PPIL6: variants seen among roughly 807,000 people sequenced by gnomAD.
The protein encoded by PPIL6 is peptidylprolyl isomerase like 6.
A neutral mutation model predicts 36.8 loss-of-function variants in PPIL6; 39 were observed. That is an observed-to-expected ratio of 1.06 (90% CI 0.82 to 1.38). The LOEUF (loss-of-function observed/expected upper bound fraction) is 1.38. Ranked by LOEUF, PPIL6 falls within the 40% of genes most tolerant of loss-of-function variation. PPIL6 has a pLI of 0.00. For missense variants in PPIL6, 368 were observed against 379.1 expected, an observed-to-expected ratio of 0.97 and a Z score of 0.24; for synonymous variants, 123 against 134.1, an observed-to-expected ratio of 0.92 and a Z score of 0.57.
chr6:109,429,499 C>G (rs1774007900), intron 3 of PPIL6, among the ~76,000 whole-genome samples: 1 of 152,084 alleles, frequency 6.6e-6, no homozygotes, highest in South Asian at 2.1e-4. Flanking sequence ...GAACTCCTCA[C>G]AGGGTCCCAC....
rs371905579 is a variant in PPIL6, at chr6:109,403,148, A to T, written c.689-2978T>A. 37 of 1,394,172 alleles carry T rather than the reference A, an allele frequency of 2.7e-5. No homozygotes were observed. In the African/African-American group the frequency reaches 5.2e-4, roughly 20 times the overall value. 86.4% of individuals were successfully genotyped at this position (1,394,172 alleles called of 1,614,324 possible). On this transcript the variant is annotated intron_variant, in intron 6 of 7. Transcript: ENST00000521072. The stretch of plus-strand genomic sequence containing the variant: ...CTATAATTTAAATTTAAATTAAATT[A>T]AATTTTTTTAGAGAAGGCATCTTGC...
intron 5 of PPIL6, among the ~76,000 whole-genome samples, chr6:109,422,832 G>C (rs1773618430): frequency 6.6e-6 from 1 of 152,170 alleles, no homozygotes; most frequent in Non-Finnish European, 1.5e-5. Context: ...TAATTATTTG[G>C]TATGCTCGAG....
In PPIL6 at chr6:109,426,817, A is replaced by G. The variant is rs565289107; in HGVS notation, c.631+30T>C. 2.5e-5 allele frequency: 36 copies of G among 1,436,416 alleles called. 2 individuals are homozygous for G. The South Asian group carries it at 5.1e-4, about 20-fold the overall frequency. The allele number at this position is 1,436,416 out of a possible 1,614,324, so 89.0% of individuals were successfully genotyped here. ...TTGGACCTTCTCATTTGATATTGCA[A>G]TTAACTCGTATTTAAGATTTTAAAC... On this transcript the variant is annotated intron_variant, in intron 5 of 7. Coordinates refer to ENST00000521072, the MANE Select transcript of PPIL6 (RefSeq NM_173672.5).
chr6:109,400,057 C>A lies in PPIL6; in HGVS notation c.802G>T (p.Asp268Tyr). ...TACCCAAAAGCCACAAATTTTCTAT[C>A]TAGATAAGGAGTTGCTTGCAGTGTG... ...YITLQATPYL[D>Y]RKFVAFGQLI... Residue 268 changes from aspartate to tyrosine, a missense_variant, in exon 7 of 8, where the codon GAT (aspartate) becomes TAT (tyrosine). By Grantham distance (160) the Asp-to-Tyr change is radical. Transcript: ENST00000521072. 6.2e-7 allele frequency: 1 copy of A among 1,612,326 alleles called. No individual in the cohort carries two copies. Among genetic ancestry groups the A allele is most frequent in the Non-Finnish European group, 8.5e-7 (1 of 1,178,848 alleles).
At chr6:109,409,092 G>A (rs992348451) in intron 6 of PPIL6, among the ~76,000 whole-genome samples, 5 of 152,114 alleles carry the variant, frequency 3.3e-5, no homozygotes, top group African/African-American at 7.2e-5. Context: ...ATGTGATATC[G>A]ACAAAATGAA....
upstream of PPIL6, chr6:109,440,690 C>T (rs1476476090): frequency 1.2e-6 from 1 of 858,920 alleles, no homozygotes; most frequent in South Asian, 5.6e-5. Context: ...GGCCCAGGGG[C>T]GGGTCGAGGG....
intron 1 of PPIL6, 42 bp from the exon 2 acceptor site, chr6:109,436,241 T>G: frequency 8.3e-7 from 1 of 1,201,360 alleles, no homozygotes; most frequent in Non-Finnish European, 1.2e-6. Context: ...GTTAGTTCTC[T>G]TTTAAAGTCA....
chr6:109,407,330 C>A (rs1341460554), intron 6 of PPIL6, among the ~76,000 whole-genome samples: 1 of 151,938 alleles, frequency 6.6e-6, no homozygotes, highest in African/African-American at 2.4e-5. Flanking sequence ...AGCTCTGCCT[C>A]CCGGGTTCAC....
At chr6:109,398,456 G>C (rs1368349650) in intron 7 of PPIL6, among the ~76,000 whole-genome samples, 1 of 152,186 alleles carries the variant, frequency 6.6e-6, no homozygotes, top group Non-Finnish European at 1.5e-5. Context: ...TCCCTATGGA[G>C]TGGGTGGAAT....
chr6:109,392,997 C>A, intron 7 of PPIL6, 60 bp from the exon 8 acceptor site: 1 of 968,546 alleles, frequency 1.0e-6, no homozygotes, highest in Non-Finnish European at 1.6e-6. Flanking sequence ...TTTAGCTTAA[C>A]ATTCCGAAAT....
At chr6:109,432,087 T>C (rs76898393) in intron 2 of PPIL6, among the ~76,000 whole-genome samples, 2 of 152,338 alleles carry the variant, frequency 1.3e-5, no homozygotes, top group East Asian at 3.9e-4. Flanking sequence ...TGTTAATATA[T>C]TAACTTGCAA....
chr6:109,411,820 A>C (rs1773025081), intron 6 of PPIL6, among the ~76,000 whole-genome samples: 1 of 152,022 alleles, frequency 6.6e-6, no homozygotes, highest in Admixed American at 6.6e-5. Flanking sequence ...AGATTTTTTT[A>C]CTCCTCCAGT....
In PPIL6 at chr6:109,413,283, G is replaced by C. The variant is rs1253191577; in HGVS notation, c.688+5904C>G. Among the ~76,000 whole-genome samples, 1 of 152,096 alleles carries C rather than the reference G, an allele frequency of 6.6e-6. No homozygotes were observed. Among genetic ancestry groups the C allele is most frequent in the Non-Finnish European group, 1.5e-5 (1 of 68,028 alleles). ...TCTACAGGAAAAAACCTAATAATCA[G>C]ATTATAAAATGGGCAAAAGATTTGA... On this transcript the variant is annotated intron_variant, in intron 6 of 7. Coordinates refer to ENST00000521072, the MANE Select transcript of PPIL6 (RefSeq NM_173672.5). The surrounding 1 kb of genome is among the most constrained non-coding windows in gnomAD (Gnocchi z 4.6).
intron 5 of PPIL6, 132 bp from the exon 6 acceptor site, chr6:109,419,375 G>T: frequency 1.7e-6 from 1 of 596,156 alleles, no homozygotes; most frequent in Non-Finnish European, 3.0e-6. Flanking sequence ...GAGCCCAGGA[G>T]TTTGAGACCA....
intron 3 of PPIL6, among the ~76,000 whole-genome samples, chr6:109,428,605 G>A (rs1305640679): frequency 1.3e-5 from 2 of 148,784 alleles, no homozygotes; most frequent in Non-Finnish European, 3.0e-5. Flanking sequence ...AACTTGTCCT[G>A]TCCTCTTTCT....
Position 109,392,890 on chromosome 6 carries a change from G to A in PPIL6, c.872C>T (p.Pro291Leu), listed in dbSNP as rs1410630441. The change falls in exon 8 of 8, where the codon CCA becomes CTA. Residue 291 changes from proline (P) to leucine (L), a missense_variant. Coordinates refer to ENST00000521072, the MANE Select transcript of PPIL6 (RefSeq NM_173672.5). ...TEVLKQLELV[P>L]TQNERPIHMC... ...ATGTATTGGTCTTTCATTCTGTGTT[G>A]GAACTAATTCTAGTTGTTTAAGCAC... is the stretch of plus-strand genomic sequence containing the variant. 6.2e-7 allele frequency: 1 copy of A among 1,611,618 alleles called. No homozygotes were observed. Among genetic ancestry groups the A allele is most frequent in the South Asian group, 1.1e-5 (1 of 90,752 alleles).
chr6:109,406,378 A>C (rs1053096467), intron 6 of PPIL6, among the ~76,000 whole-genome samples: 1 of 152,056 alleles, frequency 6.6e-6, no homozygotes, highest in Non-Finnish European at 1.5e-5. Context: ...TTAGGAACAC[A>C]TATGTCGCAA....
upstream of PPIL6, chr6:109,441,050 G>C: frequency 6.6e-7 from 1 of 1,520,974 alleles, no homozygotes; most frequent in African/African-American, 1.4e-5. Context: ...AGGCGCCGCC[G>C]GCCGCCCCCG....
chr6:109,436,079 C>G (rs879011786), intron 2 of PPIL6, 25 bp downstream of exon 2: 3 of 1,260,404 alleles, frequency 2.4e-6, no homozygotes, highest in Non-Finnish European at 3.5e-6. Context: ...TTGTCTATAT[C>G]CCCCACACCC....
Sources: allele counts gnomAD v4.1 joint callset (sites outside exome capture counted in the v4.1 genomes callset), GRCh38; gene constraint gnomAD v4.1.1; non-coding constraint Gnocchi (gnomAD v3.1); transcripts MANE v1.5; gene names NCBI Gene and HGNC (gene_info 2026-07-23, HGNC 2026-07-21).